Variants in PCDH7 observed in about 807,000 individuals in gnomAD.
PCDH7 encodes protocadherin 7.
In PCDH7, 17 loss-of-function variants were observed where a neutral mutation model predicts 58.9. That is an observed-to-expected ratio of 0.29 (90% CI 0.20 to 0.43). The LOEUF (loss-of-function observed/expected upper bound fraction) is 0.43. Ranked by LOEUF, PCDH7 falls within the 20% of genes least tolerant of loss-of-function variation. The pLI is 1.00. For missense variants in PCDH7, 1,274 were observed against 1,441.0 expected, an observed-to-expected ratio of 0.88 and a Z score of 1.88; for synonymous variants, 664 against 616.4, an observed-to-expected ratio of 1.08 and a Z score of -1.14.
intron 3 of PCDH7, among the ~76,000 whole-genome samples, chr4:31,124,584 T>C (rs947185857): frequency 1.4e-4 from 21 of 152,352 alleles, no homozygotes; most frequent in African/African-American, 4.8e-4. Context: ...TGTCTTTTCA[T>C]ATACATAGCT....
chr4:30,828,012 T>A (rs1729314364), intron 1 of PCDH7, among the ~76,000 whole-genome samples: 1 of 152,126 alleles, frequency 6.6e-6, no homozygotes, highest in South Asian at 2.1e-4. Flanking sequence ...CTACTTCTGT[T>A]GCCTCATCTA....
At chr4:30,944,908 T>A (rs1746486265) in intron 2 of PCDH7, among the ~76,000 whole-genome samples, 1 of 152,086 alleles carries the variant, frequency 6.6e-6, no homozygotes, top group South Asian at 2.1e-4. Flanking sequence ...ATTGTGAGAT[T>A]TTTAGGGAGC....
At chr4:30,910,959 C>A (rs1017523774) in intron 1 of PCDH7, among the ~76,000 whole-genome samples, 2 of 152,096 alleles carry the variant, frequency 1.3e-5, no homozygotes, top group Non-Finnish European at 2.9e-5. Flanking sequence ...ACATACACAC[C>A]ATGGAATACT....
intron 1 of PCDH7, among the ~76,000 whole-genome samples, chr4:30,742,360 G>T (rs929873816): frequency 6.6e-6 from 1 of 152,080 alleles, no homozygotes; most frequent in South Asian, 2.1e-4. Flanking sequence ...ACCCTGGAGG[G>T]ATATGAAGTG....
At chr4:31,038,010 A>G (rs1755555719) in intron 3 of PCDH7, among the ~76,000 whole-genome samples, 1 of 152,266 alleles carries the variant, frequency 6.6e-6, no homozygotes, top group Non-Finnish European at 1.5e-5. Context: ...GATGGATTCA[A>G]TAAGGTTTGG....
chr4:31,116,642 A>G (rs1717019065), intron 3 of PCDH7, among the ~76,000 whole-genome samples: 2 of 152,242 alleles, frequency 1.3e-5, no homozygotes, highest in Non-Finnish European at 2.9e-5. Context: ...ATGGTCTCAA[A>G]TGCAAGTTGA....
At chr4:30,954,203 G>A (rs562186894) in intron 3 of PCDH7, among the ~76,000 whole-genome samples, 1 of 152,098 alleles carries the variant, frequency 6.6e-6, no homozygotes, top group Non-Finnish European at 1.5e-5. Flanking sequence ...AGAATATATG[G>A]CCTTTTCCAG....
chr4:30,994,663 G>T (rs6832127), intron 3 of PCDH7, among the ~76,000 whole-genome samples: 23,857 of 151,978 alleles, frequency 0.16, 2,015 homozygotes, highest in Non-Finnish European at 0.19. Context: ...TTAGGTTTCT[G>T]TGTTCAGGTT....
intron 3 of PCDH7, among the ~76,000 whole-genome samples, chr4:31,038,991 G>T (rs181609276): frequency 5.3e-5 from 8 of 152,158 alleles, no homozygotes; most frequent in Admixed American, 1.3e-4. Context: ...GAGTAAATTA[G>T]CATATACCAA....
chr4:31,121,564 G>A (rs1282245930), intron 3 of PCDH7, among the ~76,000 whole-genome samples: 3 of 152,102 alleles, frequency 2.0e-5, no homozygotes, highest in East Asian at 3.9e-4. Flanking sequence ...TTATGTTCCT[G>A]TATCTTTTTA....
intron 3 of PCDH7, among the ~76,000 whole-genome samples, chr4:30,995,068 C>T (rs1751764923): frequency 6.6e-6 from 1 of 152,178 alleles, no homozygotes; most frequent in Non-Finnish European, 1.5e-5. Flanking sequence ...GAACAAAAGA[C>T]ATTCTTAGAA....
intron 3 of PCDH7, among the ~76,000 whole-genome samples, chr4:31,134,553 A>G (rs1211375514): frequency 6.6e-6 from 1 of 152,240 alleles, no homozygotes; most frequent in African/African-American, 2.4e-5. Flanking sequence ...TGCACATAGC[A>G]TAATATATCT....
intron 1 of PCDH7, among the ~76,000 whole-genome samples, chr4:30,769,054 CA>C (rs2109276599): frequency 6.6e-6 from 1 of 152,284 alleles, no homozygotes; most frequent in Admixed American, 6.5e-5. Context: ...GAACATGGAT[CA>C]GGGTCAAATA....
intron 3 of PCDH7, among the ~76,000 whole-genome samples, chr4:31,030,732 GACTT>G (rs1754834832): frequency 1.3e-5 from 2 of 151,798 alleles, no homozygotes; most frequent in Non-Finnish European, 2.9e-5. Context: ...CAACAACAAT[GACTT>G]ACTCTCCAGT....
intron 3 of PCDH7, among the ~76,000 whole-genome samples, chr4:30,974,382 G>GT (rs141190824): frequency 0.015 from 2,322 of 150,586 alleles, 49 homozygotes; most frequent in African/African-American, 0.053. Flanking sequence ...ACCATGAAAG[G>GT]TTTTTTTTTC....
At chr4:30,760,910 T>A (rs1441205347) in intron 1 of PCDH7, among the ~76,000 whole-genome samples, 1 of 152,128 alleles carries the variant, frequency 6.6e-6, no homozygotes, top group Non-Finnish European at 1.5e-5. Context: ...CCAATCATTC[T>A]CTTTGGAGTT....
chr4:31,124,042 A>T (rs1170277970), intron 3 of PCDH7, among the ~76,000 whole-genome samples: 1 of 151,800 alleles, frequency 6.6e-6, no homozygotes, highest in Non-Finnish European at 1.5e-5. Flanking sequence ...TGGGGTTTTT[A>T]TGGGTACAGG....
chr4:31,047,604 A>T (rs1324912288), intron 3 of PCDH7, among the ~76,000 whole-genome samples: 1 of 152,080 alleles, frequency 6.6e-6, no homozygotes, highest in African/African-American at 2.4e-5. Context: ...AGGCAAAGAG[A>T]GAAATTATTC....
At chr4:30,799,966 G>T (rs967745170) in intron 1 of PCDH7, among the ~76,000 whole-genome samples, 1 of 150,776 alleles carries the variant, frequency 6.6e-6, no homozygotes, top group Non-Finnish European at 1.5e-5. Context: ...CGATTCTTCC[G>T]CCTCAGCCTC....
Sources: allele counts gnomAD v4.1 joint callset (sites outside exome capture counted in the v4.1 genomes callset), GRCh38; gene constraint gnomAD v4.1.1; transcripts MANE v1.5; gene names NCBI Gene and HGNC (gene_info 2026-07-23, HGNC 2026-07-21).